Variants in FMNL3 observed in about 807,000 individuals in gnomAD.
FMNL3 encodes the protein formin-like protein 3.
Under a neutral mutation model 119.6 loss-of-function variants are expected in FMNL3, and 57 were observed. That is an observed-to-expected ratio of 0.48 (90% CI 0.39 to 0.59). The LOEUF is 0.59. Among genes scored for constraint, FMNL3 ranks in the 20% least tolerant of loss-of-function variants. The pLI is 0.00. For synonymous variants in FMNL3, 491 were observed against 507.3 expected (o/e 0.97, Z 0.43); for missense variants, 1,053 against 1,323.5 (o/e 0.80, Z 3.17).
intron 22 of FMNL3, 140 bp downstream of exon 22, chr12:49,648,052 CA>C: frequency 9.1e-7 from 1 of 1,101,052 alleles, no homozygotes; most frequent in Non-Finnish European, 1.3e-6. Flanking sequence ...AGCTGCCTGG[CA>C]CTCCCAAAGC....
chr12:49,661,370 C>G (rs79207162), intron 5 of FMNL3, among the ~76,000 whole-genome samples: 1 of 152,142 alleles, frequency 6.6e-6, no homozygotes, highest in Non-Finnish European at 1.5e-5. Context: ...AAACCCAAAC[C>G]CAGCTTTGTC....
chr12:49,685,643 T>A (rs1188598691), intron 1 of FMNL3, among the ~76,000 whole-genome samples: 1 of 152,228 alleles, frequency 6.6e-6, no homozygotes, highest in East Asian at 1.9e-4. Context: ...TGCTGTTCAG[T>A]GACTTTACAA....
intron 1 of FMNL3, among the ~76,000 whole-genome samples, chr12:49,669,996 TG>T (rs1175269325): frequency 6.6e-6 from 1 of 152,266 alleles, no homozygotes; most frequent in East Asian, 1.9e-4. Context: ...TGATCACCCA[TG>T]TGACTTCCCA....
In FMNL3 at chr12:49,643,300, G is replaced by C. The variant is rs1409048742; in HGVS notation, c.*2515C>G. On this transcript the variant is annotated 3_prime_UTR_variant, in exon 26 of 26. Coordinates refer to ENST00000335154, the MANE Select transcript of FMNL3 (RefSeq NM_175736.5). ...AGCGGAGGAGGCGGAACCCCTCAGA[G>C]TCAGGCTCTGAGCCCTCTTCCTCAC... The C allele has an allele frequency of 1.9e-6, 3 of 1,613,032 alleles. No individual in the cohort carries two copies. In the East Asian group the frequency reaches 6.7e-5, roughly 36 times the overall value.
At chr12:49,669,058 C>A (rs115684123) in intron 1 of FMNL3, among the ~76,000 whole-genome samples, 1 of 105,354 alleles carries the variant, frequency 9.5e-6, no homozygotes, top group Non-Finnish European at 1.8e-5. Context: ...ACATCCATTC[C>A]CATGGGCAAA....
At chr12:49,699,327 C>T (rs1944840566) in intron 1 of FMNL3, among the ~76,000 whole-genome samples, 1 of 152,222 alleles carries the variant, frequency 6.6e-6, no homozygotes, top group African/African-American at 2.4e-5. Flanking sequence ...ACCTCAGGGG[C>T]AGGGGAGGAT....
In FMNL3 at chr12:49,637,576, G is replaced by A; in HGVS notation, c.*8239C>T. The A allele has an allele frequency of 6.2e-7, 1 of 1,613,454 alleles. No homozygotes were observed. Among genetic ancestry groups the A allele is most frequent in the Non-Finnish European group, 8.5e-7 (1 of 1,179,970 alleles). On this transcript the variant is annotated 3_prime_UTR_variant, in exon 26 of 26. Coordinates refer to ENST00000335154, the MANE Select transcript of FMNL3 (RefSeq NM_175736.5). ...GATGTCCGCTTTGCCAACATGCTGGGCCAGCCGGGTAAGGCAGCCAGGCTC... is the reference window on the plus strand; with the variant it reads ...GATGTCCGCTTTGCCAACATGCTGGACCAGCCGGGTAAGGCAGCCAGGCTC...
At position 49,697,127 on chromosome 12, in the gene FMNL3, T is replaced by C. The variant is rs900757166; in HGVS notation, c.126+9928A>G. Reference sequence around the variant, plus strand: ...CTACTGTTGACAGATCTCTCAAACATATTCCCAACTTATAAAAACTTTTAC... The same window carrying C: ...CTACTGTTGACAGATCTCTCAAACACATTCCCAACTTATAAAAACTTTTAC... On this transcript the variant is annotated intron_variant, in intron 1 of 25. Transcript: ENST00000335154. Among the ~76,000 whole-genome samples the C allele has an allele frequency of 2.6e-5, 4 of 152,214 alleles. No individual in the cohort carries two copies. The East Asian group carries it at 7.7e-4, about 29-fold the overall frequency.
intron 13 of FMNL3, among the ~76,000 whole-genome samples, chr12:49,652,784 G>A (rs1002922611): frequency 6.6e-6 from 1 of 152,192 alleles, no homozygotes; most frequent in Admixed American, 6.5e-5. Flanking sequence ...AAAGTCAGGA[G>A]AAAATACAGA....
At position 49,647,012 on chromosome 12, in the gene FMNL3, A is replaced by G. The variant is rs1304384029; in HGVS notation, c.2872-3T>C. On this transcript the variant is annotated splice_region_variant and splice_polypyrimidine_tract_variant and intron_variant, in intron 24 of 25. Coordinates refer to ENST00000335154, the MANE Select transcript of FMNL3 (RefSeq NM_175736.5). The surrounding 1 kb of genome is among the most constrained non-coding windows in gnomAD (Gnocchi z 4.9). Reference sequence around the variant, plus strand: ...CACTTGTTCCGCTGGGATGGGGTCTAGGGCCAAGAATGTGGAGGGGAAGGA... The same window carrying G: ...CACTTGTTCCGCTGGGATGGGGTCTGGGGCCAAGAATGTGGAGGGGAAGGA... 4.4e-6 allele frequency: 7 copies of G among 1,597,500 alleles called. No individual in the cohort carries two copies. The highest frequency in any genetic ancestry group is 5.1e-6 in the Non-Finnish European group (6 of 1,178,400).
At chr12:49,687,156 C>T (rs888234950) in intron 1 of FMNL3, among the ~76,000 whole-genome samples, 1 of 150,186 alleles carries the variant, frequency 6.7e-6, no homozygotes, top group African/African-American at 2.5e-5. Flanking sequence ...TGCAGTGGCG[C>T]GATCTCGGCT....
intron 11 of FMNL3, 133 bp downstream of exon 11, chr12:49,654,059 A>G (rs1943492125): frequency 1.7e-6 from 2 of 1,143,686 alleles, no homozygotes; most frequent in Non-Finnish European, 2.5e-6. Context: ...AGAGGTCCTG[A>G]GTCCCAGGCT....
intron 1 of FMNL3, among the ~76,000 whole-genome samples, chr12:49,677,998 G>T (rs1426937524): frequency 6.6e-6 from 1 of 152,114 alleles, no homozygotes; most frequent in African/African-American, 2.4e-5. Context: ...AAGTAGCTGG[G>T]ACTACACACA....
At chr12:49,653,428 G>A in intron 12 of FMNL3, 101 bp from the exon 13 acceptor site, 1 of 1,178,660 alleles carries the variant, frequency 8.5e-7, no homozygotes, top group Non-Finnish European at 1.3e-6. Context: ...CTCAACACAA[G>A]GCCACAAAGG....
intron 3 of FMNL3, 93 bp from the exon 4 acceptor site, chr12:49,666,001 G>T: frequency 1.3e-6 from 2 of 1,549,338 alleles, no homozygotes; most frequent in South Asian, 2.2e-5. Context: ...CTTGGCCACA[G>T]AACCCTGAAA....
At position 49,642,264 on chromosome 12, in the gene FMNL3, G is replaced by A. The variant is rs986217752; in HGVS notation, c.*3551C>T. 9 of 1,614,056 alleles carry A rather than the reference G, an allele frequency of 5.6e-6. No individual in the cohort carries two copies. Among genetic ancestry groups the A allele is most frequent in the African/African-American group, 1.3e-5 (1 of 74,930 alleles). ...TGGAGAAAGCAGAGGCACGGGAGAG[G>A]GAGCGGGAGAAGGAGGAGGCACGCA... On this transcript the variant is annotated 3_prime_UTR_variant, in exon 26 of 26. Coordinates refer to ENST00000335154, the MANE Select transcript of FMNL3 (RefSeq NM_175736.5). This position sits in a 1 kb window ranked among gnomAD's most constrained non-coding sequence, Gnocchi z 5.8.
chr12:49,704,668 G>A (rs1216703265), intron 1 of FMNL3, among the ~76,000 whole-genome samples: 3 of 141,362 alleles, frequency 2.1e-5, no homozygotes, highest in Non-Finnish European at 4.5e-5. Context: ...CTGAGATCGT[G>A]CTGCCGCACT....
rs1942894909 is a variant in FMNL3 at position 49,643,164 on chromosome 12, C to T, written c.*2651G>A. 31 of 1,599,478 alleles carry T rather than the reference C, an allele frequency of 1.9e-5. No homozygotes were observed. The highest frequency in any genetic ancestry group is 3.4e-4 in the Middle Eastern group (2 of 5,888). On this transcript the variant is annotated 3_prime_UTR_variant, in exon 26 of 26. Transcript: ENST00000335154. Reference sequence around the variant, plus strand: ...CCTCCTCCTCTCTCGAATTCCCAGACGAGGGCTTCTGGAGGGCAGAGAACC... The same window carrying T: ...CCTCCTCCTCTCTCGAATTCCCAGATGAGGGCTTCTGGAGGGCAGAGAACC...
At position 49,646,988 on chromosome 12, in the gene FMNL3, A is replaced by G; in HGVS notation, c.2893T>C (p.Trp965Arg). 1 of 1,613,670 alleles carries G rather than the reference A, an allele frequency of 6.2e-7. No homozygotes were observed. The highest frequency in any genetic ancestry group is 2.2e-5 in the East Asian group (1 of 44,876). Residue 965 changes from tryptophan to arginine, a missense_variant, in exon 25 of 26, where the codon TGG (tryptophan) becomes CGG (arginine). Trp to Arg is a moderately radical substitution (Grantham distance 101, BLOSUM62 -3). Transcript: ENST00000335154. ...TCTGCTATTAACTCCTGCTGTTGCC[A>G]CTTGTTCCGCTGGGATGGGGTCTAG... ...DAKTPSQRNK[W>R]QQQELIAELR...
Sources: allele counts gnomAD v4.1 joint callset (sites outside exome capture counted in the v4.1 genomes callset), GRCh38; gene constraint gnomAD v4.1.1; non-coding constraint Gnocchi (gnomAD v3.1); transcripts MANE v1.5; gene names NCBI Gene and HGNC (gene_info 2026-07-23, HGNC 2026-07-21).